Variants in SNX29 observed in about 807,000 individuals in gnomAD.
The protein encoded by SNX29 is sorting nexin-29.
A neutral mutation model predicts 102.1 loss-of-function variants in SNX29; 78 were observed. The ratio of observed to expected loss-of-function variants is 0.76; its 90% confidence interval spans 0.64 to 0.92. The LOEUF (loss-of-function observed/expected upper bound fraction) is 0.92, where lower values mean the gene tolerates loss of function less well. Ranked by LOEUF, SNX29 falls within the 40% of genes least tolerant of loss-of-function variation. The pLI is 0.00. For synonymous variants in SNX29, 580 were observed against 414.5 expected (o/e 1.40, Z -4.85); for missense variants, 1,280 against 1,061.7 (o/e 1.21, Z -2.86).
At chr16:12,522,343 A>G (rs1339659624) in intron 19 of SNX29, among the ~76,000 whole-genome samples, 1 of 152,036 alleles carries the variant, frequency 6.6e-6, no homozygotes, top group Non-Finnish European at 1.5e-5. Context: ...GGTGCCTCTC[A>G]AGAAAGACTC....
intron 13 of SNX29, among the ~76,000 whole-genome samples, chr16:12,145,830 C>G (rs751188321): frequency 6.6e-6 from 1 of 152,234 alleles, no homozygotes; most frequent in Admixed American, 6.5e-5. Context: ...TTTCTCACAT[C>G]ATTTTTCTTA....
At chr16:12,253,779 A>G (rs539170931) in intron 14 of SNX29, among the ~76,000 whole-genome samples, 2 of 152,130 alleles carry the variant, frequency 1.3e-5, no homozygotes, top group African/African-American at 4.8e-5. Flanking sequence ...TGAGCAAAGG[A>G]GGGGTGGCCT....
Position 12,336,468 on chromosome 16 carries a change from C to A in SNX29, c.1783-19695C>A, listed in dbSNP as rs547932622. Among the ~76,000 whole-genome samples the A allele has an allele frequency of 9.6e-4, 146 of 152,326 alleles. 1 individual carries two copies. The highest frequency in any genetic ancestry group is 3.4e-3 in the African/African-American group (140 of 41,576). On this transcript the variant is annotated intron_variant, in intron 15 of 20. Transcript: ENST00000566228. ...ACGTTTCACTGGATGGTTTGTGTTG[C>A]AGTCATGCCCATAGCTTAAAATTTT...
chr16:12,446,230 A>G (rs1262754572), intron 18 of SNX29, among the ~76,000 whole-genome samples: 1 of 151,556 alleles, frequency 6.6e-6, no homozygotes, highest in East Asian at 1.9e-4. Flanking sequence ...TAATTTTTGT[A>G]TTTTTAGTAG....
At position 12,196,745 on chromosome 16, in the gene SNX29, T is replaced by G. The variant is rs1300708885; in HGVS notation, c.1596-2856T>G. 2.0e-5 allele frequency among the ~76,000 whole-genome samples: 3 copies of G among 151,826 alleles called. No individual in the cohort carries two copies. In the East Asian group the frequency reaches 5.8e-4, roughly 29 times the overall value. The stretch of plus-strand genomic sequence containing the variant: ...AAGCAATTCTTCTGCCTCAGCCTCT[T>G]TAGTAGCTGGGATTACAGGCACATG... On this transcript the variant is annotated intron_variant, in intron 13 of 20. Coordinates refer to ENST00000566228, the MANE Select transcript of SNX29 (RefSeq NM_032167.5).
chr16:12,519,647 C>G (rs897878531), intron 19 of SNX29, among the ~76,000 whole-genome samples: 2 of 152,172 alleles, frequency 1.3e-5, no homozygotes, highest in Non-Finnish European at 2.9e-5. Context: ...ACTTTTTAGA[C>G]AAAGTATTGT....
chr16:12,135,748 G>T, intron 13 of SNX29: 1 of 579,576 alleles, frequency 1.7e-6, no homozygotes, highest in Non-Finnish European at 2.8e-6. Context: ...GCCATTTGTG[G>T]TGGTTTTTCT....
intron 20 of SNX29, among the ~76,000 whole-genome samples, chr16:12,534,144 C>G (rs1419372214): frequency 6.6e-6 from 1 of 152,238 alleles, no homozygotes; most frequent in African/African-American, 2.4e-5. Flanking sequence ...AACACCAGGC[C>G]TCAGGGCAGC....
At chr16:12,513,329 GCCTGC>G (rs368518698) in intron 19 of SNX29, among the ~76,000 whole-genome samples, 12 of 117,766 alleles carry the variant, frequency 1.0e-4, no homozygotes, top group Non-Finnish European at 1.7e-4. Flanking sequence ...CCCTTCCCCT[GCCTGC>G]CCTGCCCTGC....
chr16:12,031,824 C>T (rs549160353), intron 4 of SNX29, among the ~76,000 whole-genome samples: 8 of 119,750 alleles, frequency 6.7e-5, no homozygotes, highest in Admixed American at 1.6e-4. Flanking sequence ...CAAAGCAAAA[C>T]GAACAAAAAA....
intron 19 of SNX29, among the ~76,000 whole-genome samples, chr16:12,499,565 T>C (rs1254831862): frequency 4.6e-5 from 7 of 152,246 alleles, no homozygotes; most frequent in African/African-American, 1.7e-4. Context: ...TTTCCCACTC[T>C]GGGTGTGATC....
At chr16:12,544,577 G>T (rs968227923) in intron 20 of SNX29, among the ~76,000 whole-genome samples, 2 of 152,216 alleles carry the variant, frequency 1.3e-5, no homozygotes. Flanking sequence ...TCATTGTTCT[G>T]CAGGCATTTC....
intron 3 of SNX29, among the ~76,000 whole-genome samples, chr16:12,021,354 A>G (rs1161862250): frequency 2.0e-5 from 3 of 152,090 alleles, no homozygotes; most frequent in African/African-American, 7.2e-5. Context: ...TGAACCCAGG[A>G]GACAGAGGTT....
At chr16:12,153,329 C>T (rs960230301) in intron 13 of SNX29, among the ~76,000 whole-genome samples, 33 of 152,138 alleles carry the variant, frequency 2.2e-4, no homozygotes, top group African/African-American at 6.7e-4. Flanking sequence ...TCCAAAATAT[C>T]GTCTAATTCA....
intron 8 of SNX29, among the ~76,000 whole-genome samples, chr16:12,054,550 C>G (rs1184884802): frequency 1.3e-5 from 2 of 152,236 alleles, no homozygotes; most frequent in Non-Finnish European, 2.9e-5. Context: ...TTTCCGCCTG[C>G]TAGCTTCAGC....
Position 12,568,669 on chromosome 16 carries a change from C to A in SNX29, c.*40C>A. On this transcript the variant is annotated 3_prime_UTR_variant, in exon 21 of 21. Transcript: ENST00000566228. ...CAGCCACGGGCCCTGTGCGTGGCACCAGCTGCGTCCACCCCAGCCACTGCC... is the reference window on the plus strand; with the variant it reads ...CAGCCACGGGCCCTGTGCGTGGCACAAGCTGCGTCCACCCCAGCCACTGCC... The A allele has an allele frequency of 6.3e-7, 1 of 1,590,468 alleles. No individual in the cohort carries two copies. The highest frequency in any genetic ancestry group is 8.5e-7 in the Non-Finnish European group (1 of 1,174,964).
intron 18 of SNX29, among the ~76,000 whole-genome samples, chr16:12,439,499 G>T (rs114735120): frequency 0.026 from 3,890 of 152,336 alleles, 86 homozygotes; most frequent in East Asian, 0.097. Context: ...CATGGCGGAA[G>T]GTGAAAGTCC....
At chr16:12,212,413 C>T (rs2077210511) in intron 14 of SNX29, among the ~76,000 whole-genome samples, 1 of 152,138 alleles carries the variant, frequency 6.6e-6, no homozygotes, top group South Asian at 2.1e-4. Context: ...CCATGGTAGA[C>T]AGAAGCCATT....
chr16:12,536,341 A>C (rs1268725703), intron 20 of SNX29, among the ~76,000 whole-genome samples: 4 of 152,084 alleles, frequency 2.6e-5, no homozygotes, highest in Non-Finnish European at 5.9e-5. Flanking sequence ...GCAGGAAACA[A>C]GCCGTACTGT....
Sources: gnomAD v4.1 joint callset for allele counts (sites outside exome capture counted in the v4.1 genomes callset) on GRCh38, gnomAD v4.1.1 for gene constraint, MANE v1.5 for transcripts, NCBI Gene and HGNC (gene_info 2026-07-23, HGNC 2026-07-21) for gene names.